The following PKIA variants were observed in gnomAD, a reference collection of about 807,000 sequenced individuals.
PKIA encodes the protein cAMP-dependent protein kinase inhibitor alpha.
In PKIA, 4 loss-of-function variants were observed where a neutral mutation model predicts 7.6. The observed-to-expected ratio is 0.52, with a 90% CI of 0.26 to 1.20. The LOEUF is 1.20. PKIA is among the 50% of genes most tolerant of loss of function. PKIA has a pLI of 0.13. For synonymous variants in PKIA, 21 were observed against 30.7 expected (o/e 0.68, Z 1.04); for missense variants, 73 against 86.2 (o/e 0.85, Z 0.61).
chr8:78,598,248 G>T, intron 2 of PKIA, 110 bp from the exon 3 acceptor site: 5 of 549,016 alleles, frequency 9.1e-6, no homozygotes, highest in Non-Finnish European at 1.2e-5. Context: ...TACTTGTTTT[G>T]TGAACTTGTA....
intron 1 of PKIA, among the ~76,000 whole-genome samples, chr8:78,541,334 C>T (rs937100669): frequency 1.3e-5 from 2 of 152,048 alleles, no homozygotes; most frequent in African/African-American, 4.8e-5. Flanking sequence ...TGCTCTTAAT[C>T]ATGAAGCTAA....
At chr8:78,568,309 C>T (rs1807465835) in intron 1 of PKIA, among the ~76,000 whole-genome samples, 1 of 152,150 alleles carries the variant, frequency 6.6e-6, no homozygotes. Flanking sequence ...GAACACTTGA[C>T]TTCTGCAAGT....
intron 2 of PKIA, among the ~76,000 whole-genome samples, chr8:78,594,443 T>C (rs10097605): frequency 0.04 from 6,124 of 152,192 alleles, 182 homozygotes; most frequent in Non-Finnish European, 0.061. Context: ...ATGTGTTCTA[T>C]AGGCTGTGCA....
intron 1 of PKIA, among the ~76,000 whole-genome samples, chr8:78,553,172 A>C (rs1464066378): frequency 6.6e-6 from 1 of 151,174 alleles, no homozygotes; most frequent in Non-Finnish European, 1.5e-5. Flanking sequence ...TTTATACTCC[A>C]GTACCCGTAA....
intron 1 of PKIA, among the ~76,000 whole-genome samples, chr8:78,559,211 C>T (rs1807225317): frequency 6.6e-6 from 1 of 152,130 alleles, no homozygotes; most frequent in African/African-American, 2.4e-5. Flanking sequence ...CATAAGCCAC[C>T]GTGCCCAGCC....
intron 1 of PKIA, among the ~76,000 whole-genome samples, chr8:78,556,950 A>G (rs1029710309): frequency 6.6e-6 from 1 of 152,154 alleles, no homozygotes. Context: ...TAGTTGGTCA[A>G]TTAATGGCAA....
chr8:78,538,062 C>T (rs1405238208), intron 1 of PKIA, among the ~76,000 whole-genome samples: 1 of 151,860 alleles, frequency 6.6e-6, no homozygotes, highest in East Asian at 1.9e-4. Context: ...ACCCTCATAC[C>T]CTATGCTGGC....
intron 1 of PKIA, among the ~76,000 whole-genome samples, chr8:78,523,049 G>A (rs1809447050): frequency 6.6e-6 from 1 of 151,748 alleles, no homozygotes; most frequent in African/African-American, 2.4e-5. Flanking sequence ...CTATTGCATC[G>A]GCCAGGAGAG....
intron 1 of PKIA, among the ~76,000 whole-genome samples, chr8:78,554,150 T>G (rs1317221306): frequency 6.6e-6 from 1 of 152,052 alleles, no homozygotes; most frequent in Non-Finnish European, 1.5e-5. Flanking sequence ...ATTCCCATAC[T>G]GGGTTCTTCA....
chr8:78,521,101 C>G (rs1298479853), intron 1 of PKIA, among the ~76,000 whole-genome samples: 1 of 151,996 alleles, frequency 6.6e-6, no homozygotes, highest in Non-Finnish European at 1.5e-5. Flanking sequence ...TAAGGTTTTC[C>G]AATCAAAGCC....
chr8:78,582,706 A>G (rs1385683175), intron 2 of PKIA, among the ~76,000 whole-genome samples: 5 of 152,134 alleles, frequency 3.3e-5, no homozygotes, highest in Non-Finnish European at 7.4e-5. Context: ...AACTTTATAT[A>G]TTTCTACCTG....
At chr8:78,549,116 G>A (rs918035341) in intron 1 of PKIA, among the ~76,000 whole-genome samples, 1 of 151,962 alleles carries the variant, frequency 6.6e-6, no homozygotes, top group Non-Finnish European at 1.5e-5. Flanking sequence ...GCTGCACTGG[G>A]TATATGTATA....
Position 78,551,773 on chromosome 8 carries a change from A to G in PKIA, c.-156-21038A>G, listed in dbSNP as rs1004702312. Among the ~76,000 whole-genome samples the G allele has an allele frequency of 2.0e-5, 3 of 152,094 alleles. No homozygotes were observed. In the South Asian group the frequency reaches 6.2e-4, roughly 32 times the overall value. ...AATTCTGGTTTGGATGGTCATTGAG[A>G]TGGAAGTTAGTGGGGCTCTTCCCGG... is the stretch of plus-strand genomic sequence containing the variant. On this transcript the variant is annotated intron_variant, in intron 1 of 3. Coordinates refer to ENST00000396418, the MANE Select transcript of PKIA (RefSeq NM_006823.4).
chr8:78,519,389 G>C (rs1418214356), intron 1 of PKIA, among the ~76,000 whole-genome samples: 1 of 152,154 alleles, frequency 6.6e-6, no homozygotes, highest in Admixed American at 6.5e-5. Flanking sequence ...AGTGAGCCAT[G>C]ATGGCACCAC....
intron 3 of PKIA, among the ~76,000 whole-genome samples, chr8:78,600,113 T>C (rs979501219): frequency 2.0e-5 from 3 of 151,802 alleles, no homozygotes; most frequent in Admixed American, 2.0e-4. Flanking sequence ...ACTAGGCTCT[T>C]GCAACATTTT....
chr8:78,560,929 C>A (rs1324789212), intron 1 of PKIA, among the ~76,000 whole-genome samples: 1 of 152,150 alleles, frequency 6.6e-6, no homozygotes, highest in South Asian at 2.1e-4. Context: ...AAAACCTAAA[C>A]TGATTTAATT....
intron 1 of PKIA, among the ~76,000 whole-genome samples, chr8:78,543,814 C>G (rs1170608028): frequency 6.6e-6 from 1 of 152,170 alleles, no homozygotes; most frequent in Non-Finnish European, 1.5e-5. Context: ...TCTAAAATTA[C>G]GATGTCGTGT....
intron 1 of PKIA, among the ~76,000 whole-genome samples, chr8:78,548,746 T>G (rs1183132042): frequency 6.6e-6 from 1 of 152,070 alleles, no homozygotes; most frequent in African/African-American, 2.4e-5. Context: ...TATTCCATGT[T>G]GACTTAGATA....
intron 1 of PKIA, among the ~76,000 whole-genome samples, chr8:78,551,679 C>G (rs1485778615): frequency 6.6e-6 from 1 of 151,834 alleles, no homozygotes; most frequent in South Asian, 2.1e-4. Context: ...TTTGGGGTAC[C>G]TTCCAAAACA....
Sources: allele counts gnomAD v4.1 joint callset (sites outside exome capture counted in the v4.1 genomes callset), GRCh38; gene constraint gnomAD v4.1.1; transcripts MANE v1.5; gene names NCBI Gene and HGNC (gene_info 2026-07-23, HGNC 2026-07-21).